Variants in ALPK3 observed in about 807,000 individuals in gnomAD.
The protein encoded by ALPK3 is alpha kinase 3, also known as alpha-protein kinase 3.
In ALPK3, 102 loss-of-function variants were observed where a neutral mutation model predicts 140.0. The observed-to-expected ratio is 0.73, with a 90% confidence interval of 0.62 to 0.86. The LOEUF (loss-of-function observed/expected upper bound fraction) is 0.86, where lower values mean the gene tolerates loss of function less well. Among genes scored for constraint, ALPK3 ranks in the 40% least tolerant of loss-of-function variants. The pLI is 0.00. For synonymous variants in ALPK3, 938 were observed against 898.5 expected (o/e 1.04, Z -0.79); for missense variants, 2,254 against 2,208.2 (o/e 1.02, Z -0.42).
In ALPK3 at chr15:84,870,384, CAT is replaced by C. The variant is rs1234022592; in HGVS notation, c.*1932_*1933del. On this transcript the variant is annotated 3_prime_UTR_variant, in exon 14 of 14. Transcript: ENST00000258888. The stretch of plus-strand genomic sequence containing the variant: ...TTCATTCACCCACTCATTCAGCAGA[CAT>C]ATACTGAGTGCTACTTTATGCCAGA... The C allele has an allele frequency of 6.6e-6, 1 of 152,270 alleles. No individual in the cohort carries two copies. Among genetic ancestry groups the C allele is most frequent in the Non-Finnish European group, 1.5e-5 (1 of 68,096 alleles). The allele number at this position is 152,270 out of a possible 1,614,324, so 9.4% of individuals were successfully genotyped here.
rs1308540823 is a variant in ALPK3, at chr15:84,868,473, G to C, written c.*17G>C. Reference sequence around the variant, plus strand: ...ATGCGGTAGCCTCCGCAGAGGCTGGGGGCCTCCACCCAGCAGCAGACCAAC... The same window carrying C: ...ATGCGGTAGCCTCCGCAGAGGCTGGCGGCCTCCACCCAGCAGCAGACCAAC... On this transcript the variant is annotated 3_prime_UTR_variant, in exon 14 of 14. Coordinates refer to ENST00000258888, the MANE Select transcript of ALPK3 (RefSeq NM_020778.5). 1 of 1,589,198 alleles carries C rather than the reference G, an allele frequency of 6.3e-7. No individual in the cohort carries two copies. Among genetic ancestry groups the C allele is most frequent in the Non-Finnish European group, 8.5e-7 (1 of 1,172,566 alleles).
At position 84,840,623 on chromosome 15, in the gene ALPK3, G is replaced by A; in HGVS notation, c.1344G>A (p.Gly448=). Residue 448 remains glycine (G), a synonymous_variant, in exon 5 of 14, where the codon GGG becomes GGA. Transcript: ENST00000258888. The part of the protein sequence containing the change: ...SVRAPGESPK[G]KAPLRARSEG... ...GGGCGCCTGGGGAGAGTCCCAAGGG[G>A]AAGGCACCCCTCAGGGCTAGAAGCG... 2 of 1,559,652 alleles carry A rather than the reference G, an allele frequency of 1.3e-6. No homozygotes were observed. Among genetic ancestry groups the A allele is most frequent in the South Asian group, 2.5e-5 (2 of 80,778 alleles).
chr15:84,850,842 T>C (rs942286195), intron 5 of ALPK3, among the ~76,000 whole-genome samples: 5 of 151,276 alleles, frequency 3.3e-5, no homozygotes, highest in African/African-American at 1.2e-4. Flanking sequence ...AAGAAACATA[T>C]GACATTCCTT....
At chr15:84,866,677 A>G (rs1964006787) in intron 12 of ALPK3, among the ~76,000 whole-genome samples, 1 of 152,242 alleles carries the variant, frequency 6.6e-6, no homozygotes, top group Non-Finnish European at 1.5e-5. Context: ...CTGGAAGACC[A>G]TCTTGGCTTC....
Position 84,857,841 on chromosome 15 carries a change from TG to T in ALPK3, c.3104del (p.Cys1035LeufsTer42). 1 of 1,611,730 alleles carries T rather than the reference TG, an allele frequency of 6.2e-7. No individual in the cohort carries two copies. Among genetic ancestry groups the T allele is most frequent in the Non-Finnish European group, 8.5e-7 (1 of 1,178,814 alleles). On this transcript the variant is annotated frameshift_variant, in exon 6 of 14. Coordinates refer to ENST00000258888, the MANE Select transcript of ALPK3 (RefSeq NM_020778.5). LOFTEE classifies it high-confidence loss of function. ...TGCACAGACCCTGCTGCTGAGCCCC[TG>T]TACCTCCCGCCGCCTCACCGGCCTC... ...QSAQTLLLSP[C>X]TSRRLTGLLD...
At chr15:84,847,584 C>T (rs902311902) in intron 5 of ALPK3, among the ~76,000 whole-genome samples, 1 of 151,822 alleles carries the variant, frequency 6.6e-6, no homozygotes, top group African/African-American at 2.4e-5. Context: ...ATAGATTTCT[C>T]ATCAGAAACA....
chr15:84,827,295 C>A (rs1412475420), intron 2 of ALPK3, among the ~76,000 whole-genome samples, 189 bp from the exon 3 acceptor site: 1 of 152,234 alleles, frequency 6.6e-6, no homozygotes, highest in East Asian at 1.9e-4. Context: ...TTCCATTCAA[C>A]CCCTTGATAC....
At chr15:84,866,646 T>C (rs931254677) in intron 12 of ALPK3, among the ~76,000 whole-genome samples, 1 of 152,244 alleles carries the variant, frequency 6.6e-6, no homozygotes, top group Non-Finnish European at 1.5e-5. Flanking sequence ...TTTGCCTGGC[T>C]CTGCCCTTCC....
In ALPK3 at chr15:84,857,497, C is replaced by T. The variant is rs763503640; in HGVS notation, c.2759C>T (p.Thr920Ile). 6 of 1,602,472 alleles carry T rather than the reference C, an allele frequency of 3.7e-6. No homozygotes were observed. The highest frequency in any genetic ancestry group is 5.1e-6 in the Non-Finnish European group (6 of 1,173,308). ...CTGCACCTGGGGCTGGGGACCCCCA[C>T]TCAGAGTCACCCACCAGAAACCATG... ...PTLHLGLGTP[T>I]QSHPPETMAT... The change falls in exon 6 of 14, where the codon ACT (threonine) becomes ATT (isoleucine). Residue 920 changes from threonine (T) to isoleucine (I), a missense_variant. Transcript: ENST00000258888.
chr15:84,853,113 T>A (rs1963823992), intron 5 of ALPK3, among the ~76,000 whole-genome samples: 1 of 152,246 alleles, frequency 6.6e-6, no homozygotes, highest in Non-Finnish European at 1.5e-5. Flanking sequence ...GTGAGTCTTG[T>A]GAACAGCAAC....
In ALPK3 at chr15:84,863,616, C is replaced by T. The variant is rs538810746; in HGVS notation, c.4475C>T (p.Ala1492Val). 15 of 1,614,030 alleles carry T rather than the reference C, an allele frequency of 9.3e-6. No homozygotes were observed. The highest frequency in any genetic ancestry group is 4.0e-5 in the African/African-American group (3 of 74,998). Reference protein sequence around the residue: ...CKIFAAEARAAPGFGEVPEII... With the variant: ...CKIFAAEARAVPGFGEVPEII... ...ATCTTCGCAGCAGAAGCCCGGGCCG[C>T]GCCTGGCTTTGGGGAGGTGCCTGAG... The change falls in exon 11 of 14, where the codon GCG (alanine) becomes GTG (valine). Residue 1492 changes from alanine to valine, a missense_variant. Physicochemically the swap from Ala to Val is moderately conservative, Grantham distance 64. Coordinates refer to ENST00000258888, the MANE Select transcript of ALPK3 (RefSeq NM_020778.5).
In ALPK3 at chr15:84,857,242, C is replaced by T. The variant is rs529373050; in HGVS notation, c.2504C>T (p.Pro835Leu). Residue 835 changes from proline (P) to leucine (L), a missense_variant, in exon 6 of 14, where the codon CCG becomes CTG. Around this residue, in one of 3 missense-constraint regions of ALPK3, gnomAD observed 2,088 missense variants for 2,022.9 expected, o/e 1.03. Transcript: ENST00000258888. ...GTCGAGGCCAAGCAGGAGGACAGCC[C>T]GTTCCAGTGCCCCAAGGAGGAGCGG... Reference protein sequence around the residue: ...GPVEAKQEDSPFQCPKEERPG... With the variant: ...GPVEAKQEDSLFQCPKEERPG... 6.7e-5 allele frequency: 108 copies of T among 1,613,984 alleles called. No individual in the cohort carries two copies. The Middle Eastern group carries it at 1.3e-3, about 20-fold the overall frequency.
intron 3 of ALPK3, among the ~76,000 whole-genome samples, chr15:84,832,991 G>T (rs2013721): frequency 0.013 from 1,920 of 152,288 alleles, 135 homozygotes; most frequent in Admixed American, 0.11. Flanking sequence ...AATACTCCCA[G>T]TGTCATCAAG....
At chr15:84,829,285 C>G (rs1278172073) in intron 3 of ALPK3, among the ~76,000 whole-genome samples, 1 of 152,118 alleles carries the variant, frequency 6.6e-6, no homozygotes, top group Non-Finnish European at 1.5e-5. Flanking sequence ...TCTCTGTTTC[C>G]CTGAACTTAT....
At chr15:84,817,726 G>A (rs1963377564) in intron 1 of ALPK3, 131 bp downstream of exon 1, 3 of 1,194,992 alleles carry the variant, frequency 2.5e-6, no homozygotes, top group Non-Finnish European at 2.2e-6. Context: ...CCAAGGCCCA[G>A]GGCCTGGGGA....
Position 84,840,329 on chromosome 15 carries a change from C to A in ALPK3, c.1050C>A (p.Asp350Glu), listed in dbSNP as rs771019220. Reference sequence around the variant, plus strand: ...CAGAAAACTGCATCCCCAGCTCAGACGAGCCTGACTCCTGTGGGACTCAGG... The same window carrying A: ...CAGAAAACTGCATCCCCAGCTCAGAAGAGCCTGACTCCTGTGGGACTCAGG... The part of the protein sequence containing the change: ...RSSENCIPSS[D>E]EPDSCGTQGP... The change falls in exon 5 of 14, where the codon GAC (aspartate) becomes GAA (glutamate). Residue 350 changes from aspartate to glutamate, a missense_variant. Asp to Glu is a conservative substitution (Grantham distance 45). Coordinates refer to ENST00000258888, the MANE Select transcript of ALPK3 (RefSeq NM_020778.5). 3 of 1,613,966 alleles carry A rather than the reference C, an allele frequency of 1.9e-6. No individual in the cohort carries two copies. In the South Asian group the frequency reaches 3.3e-5, roughly 18 times the overall value.
chr15:84,850,007 A>C (rs1054335200), intron 5 of ALPK3, among the ~76,000 whole-genome samples: 2 of 146,460 alleles, frequency 1.4e-5, no homozygotes, highest in African/African-American at 4.8e-5. Flanking sequence ...TAGAAAAAAA[A>C]AAAAAAGAAG....
intron 5 of ALPK3, among the ~76,000 whole-genome samples, chr15:84,856,157 G>A (rs1207964820): frequency 6.6e-6 from 1 of 152,196 alleles, no homozygotes; most frequent in Non-Finnish European, 1.5e-5. Flanking sequence ...CTGGGTGCTA[G>A]ATATTCCCCA....
intron 5 of ALPK3, among the ~76,000 whole-genome samples, chr15:84,853,381 G>A (rs1414887853): frequency 6.6e-6 from 1 of 151,790 alleles, no homozygotes; most frequent in Admixed American, 6.6e-5. Context: ...TGGAGGCCGA[G>A]GTGGGTAGAT....
Sources: allele counts gnomAD v4.1 joint callset (sites outside exome capture counted in the v4.1 genomes callset), GRCh38; gene constraint gnomAD v4.1.1; regional missense constraint gnomAD v4.1.1; transcripts MANE v1.5; gene names NCBI Gene and HGNC (gene_info 2026-07-23, HGNC 2026-07-21).